The following PDCD6IP variants were observed in gnomAD, a reference collection of about 807,000 sequenced individuals.
PDCD6IP encodes programmed cell death 6-interacting protein.
A neutral mutation model predicts 103.7 loss-of-function variants in PDCD6IP; 43 were observed. The observed-to-expected ratio is 0.41, with a 90% CI of 0.32 to 0.53. The LOEUF is 0.53. PDCD6IP is among the 20% of genes least tolerant of loss of function. PDCD6IP has a pLI of 0.16. For synonymous variants in PDCD6IP, 354 were observed against 378.7 expected (o/e 0.93, Z 0.76); for missense variants, 871 against 1,036.7 (o/e 0.84, Z 2.20).
intron 8 of PDCD6IP, among the ~76,000 whole-genome samples, chr3:33,837,007 G>A (rs1303815105): frequency 1.3e-5 from 2 of 151,150 alleles, no homozygotes; most frequent in Non-Finnish European, 2.9e-5. Context: ...TGCAACCTCT[G>A]CCTCCTGGGT....
At chr3:33,857,519 A>G (rs1575944272) in intron 15 of PDCD6IP, among the ~76,000 whole-genome samples, 1 of 152,220 alleles carries the variant, frequency 6.6e-6, no homozygotes, top group Non-Finnish European at 1.5e-5. Flanking sequence ...GATTAATACA[A>G]AACAGTCTAC....
intron 5 of PDCD6IP, among the ~76,000 whole-genome samples, chr3:33,825,803 AAG>A (rs1697109701): frequency 6.6e-6 from 1 of 152,204 alleles, no homozygotes; most frequent in Non-Finnish European, 1.5e-5. Flanking sequence ...TATAAAAAAT[AAG>A]AGAATTATAT....
intron 11 of PDCD6IP, among the ~76,000 whole-genome samples, chr3:33,844,455 T>G (rs1172782437): frequency 6.6e-6 from 1 of 152,224 alleles, no homozygotes; most frequent in Non-Finnish European, 1.5e-5. Context: ...ACTTTCATTT[T>G]CTGTTCCAAA....
At chr3:33,818,513 C>CTTTTTTTTTTTTTTTTT (rs61405380) in intron 3 of PDCD6IP, among the ~76,000 whole-genome samples, 2 of 89,264 alleles carry the variant, frequency 2.2e-5, no homozygotes, top group African/African-American at 4.6e-5. Context: ...TGATCCCTTG[C>CTTTTTTTTTTTTTTTTT]TTTTTTTTTT....
At chr3:33,844,730 C>T (rs1167175218) in intron 11 of PDCD6IP, among the ~76,000 whole-genome samples, 7 of 152,186 alleles carry the variant, frequency 4.6e-5, no homozygotes, top group Non-Finnish European at 1.0e-4. Context: ...ATCCACCTGC[C>T]TCCACTTCCC....
rs566721231 is a variant in PDCD6IP, at chr3:33,836,123, A to G, written c.914A>G (p.Asn305Ser). The change falls in exon 8 of 18, where the codon AAT becomes AGT. Residue 305 changes from asparagine (N) to serine (S), a missense_variant. Physicochemically the swap from Asn to Ser is conservative, Grantham distance 46. Coordinates refer to ENST00000307296, the MANE Select transcript of PDCD6IP (RefSeq NM_013374.6). Reference protein sequence around the residue: ...VNVKDFSDKINRALAAAKKDN... With the variant: ...VNVKDFSDKISRALAAAKKDN... ...GTGAAGGATTTTTCTGACAAAATCA[A>G]TCGTGCCCTTGCTGCAGCAAAGAAG... 20 of 1,612,316 alleles carry G rather than the reference A, an allele frequency of 1.2e-5. No homozygotes were observed. The highest frequency in any genetic ancestry group is 2.2e-5 in the South Asian group (2 of 91,048).
In PDCD6IP at chr3:33,813,576, C is replaced by T; in HGVS notation, c.282C>T (p.Thr94=). The change falls in exon 3 of 18, where the codon ACC becomes ACT. Residue 94 remains threonine (T), a synonymous_variant. Coordinates refer to ENST00000307296, the MANE Select transcript of PDCD6IP (RefSeq NM_013374.6). ...FSENQICLTF[T]WKDAFDKGSL... The stretch of plus-strand genomic sequence containing the variant: ...CTATCCAGATCTGCTTGACATTTAC[C>T]TGGAAGGATGCTTTCGATAAAGGTT... 1.2e-6 allele frequency: 2 copies of T among 1,607,242 alleles called. No homozygotes were observed. The highest frequency in any genetic ancestry group is 1.3e-5 in the African/African-American group (1 of 74,812).
At chr3:33,815,547 A>G (rs1334697350) in intron 3 of PDCD6IP, among the ~76,000 whole-genome samples, 1 of 152,208 alleles carries the variant, frequency 6.6e-6, no homozygotes, top group Non-Finnish European at 1.5e-5. Flanking sequence ...CCGGGACTAG[A>G]GAGAAACAGA....
intron 1 of PDCD6IP, among the ~76,000 whole-genome samples, chr3:33,802,490 T>C (rs1245476539): frequency 1.3e-5 from 2 of 152,024 alleles, no homozygotes; most frequent in East Asian, 3.9e-4. Flanking sequence ...TTTTTCTTTT[T>C]TCTTTTTTTT....
intron 15 of PDCD6IP, among the ~76,000 whole-genome samples, chr3:33,860,269 G>T (rs1374699882): frequency 6.6e-6 from 1 of 152,182 alleles, no homozygotes; most frequent in African/African-American, 2.4e-5. Flanking sequence ...TCAGCTCAGT[G>T]ATTGAAAGGT....
At chr3:33,857,232 G>A (rs1402372609) in intron 15 of PDCD6IP, among the ~76,000 whole-genome samples, 1 of 152,088 alleles carries the variant, frequency 6.6e-6, no homozygotes, top group Non-Finnish European at 1.5e-5. Context: ...CCAGGCTGGA[G>A]TGCAGTGGTG....
In PDCD6IP at chr3:33,852,450, TTTTTTTGCAG is replaced by T; in HGVS notation, c.1642-35_1642-26del. 4 of 1,292,422 alleles carry T rather than the reference TTTTTTTGCAG, an allele frequency of 3.1e-6. No individual in the cohort carries two copies. In the South Asian group the frequency reaches 7.3e-5, roughly 24 times the overall value. 80.1% of individuals were successfully genotyped at this position (1,292,422 alleles called of 1,614,324 possible). A position where few individuals can be genotyped will look rare whatever the true frequency, so the allele number is the denominator to read the frequency against. On this transcript the variant is annotated intron_variant, in intron 12 of 17. Coordinates refer to ENST00000307296, the MANE Select transcript of PDCD6IP (RefSeq NM_013374.6). ...TCTCGAAATTGGCTTTTTTTTTTTTTTTTTTTGCAGTTAAACTAAGGTGTCTTTTTTGTTT... is the reference window on the plus strand; with the variant it reads ...TCTCGAAATTGGCTTTTTTTTTTTTTTTAAACTAAGGTGTCTTTTTTGTTT...
In PDCD6IP at chr3:33,838,290, A is replaced by G. The variant is rs765785345; in HGVS notation, c.1144A>G (p.Ile382Val). 9.3e-6 allele frequency: 15 copies of G among 1,613,380 alleles called. No homozygotes were observed. Among genetic ancestry groups the G allele is most frequent in the Middle Eastern group, 1.6e-4 (1 of 6,078 alleles). Residue 382 changes from isoleucine (I) to valine (V), a missense_variant, in exon 9 of 18, where the codon ATT becomes GTT. Physicochemically the swap from Ile to Val is conservative, Grantham distance 29. Coordinates refer to ENST00000307296, the MANE Select transcript of PDCD6IP (RefSeq NM_013374.6). ...QRKADLVNRS[I>V]AQMREATTLA... is the part of the protein sequence containing the mutation. ...GAAAGCCGATTTGGTTAACAGATCA[A>G]TTGCTCAGATGAGAGAAGCCACCAC...
chr3:33,801,080 T>C (rs1696466405), intron 1 of PDCD6IP, among the ~76,000 whole-genome samples: 2 of 152,194 alleles, frequency 1.3e-5, no homozygotes, highest in African/African-American at 4.8e-5. Flanking sequence ...TCAACAAATA[T>C]TAAGTATTTT....
chr3:33,836,128 GC>G lies in PDCD6IP; in HGVS notation c.922del (p.Ala309LeufsTer21). On this transcript the variant is annotated frameshift_variant, in exon 8 of 18. Coordinates refer to ENST00000307296, the MANE Select transcript of PDCD6IP (RefSeq NM_013374.6). LOFTEE classifies it high-confidence loss of function. ...GGATTTTTCTGACAAAATCAATCGTGCCCTTGCTGCAGCAAAGAAGGATAAT... is the reference window on the plus strand; with the variant it reads ...GGATTTTTCTGACAAAATCAATCGTGCCTTGCTGCAGCAAAGAAGGATAAT... Reference protein sequence around the residue: ...VKDFSDKINRALAAAKKDNDF... With the variant: ...VKDFSDKINRXLAAAKKDNDF... 6.2e-7 allele frequency: 1 copy of G among 1,610,432 alleles called. No individual in the cohort carries two copies. The highest frequency in any genetic ancestry group is 8.5e-7 in the Non-Finnish European group (1 of 1,176,744).
At chr3:33,830,294 C>T (rs1697218722) in intron 7 of PDCD6IP, among the ~76,000 whole-genome samples, 1 of 152,066 alleles carries the variant, frequency 6.6e-6, no homozygotes, top group South Asian at 2.1e-4. Context: ...TGATTCTGAA[C>T]AAGGAATTTG....
At position 33,826,490 on chromosome 3, in the gene PDCD6IP, A is replaced by T; in HGVS notation, c.627A>T (p.Lys209Asn). 1 of 1,603,778 alleles carries T rather than the reference A, an allele frequency of 6.2e-7. No individual in the cohort carries two copies. The highest frequency in any genetic ancestry group is 8.5e-7 in the Non-Finnish European group (1 of 1,174,202). Residue 209 changes from lysine (K) to asparagine (N), a missense_variant, in exon 6 of 18, where the codon AAA becomes AAT. Lys to Asn is a moderately conservative substitution (Grantham distance 94). Transcript: ENST00000307296. ...FFLKATRDKMKDAIIAKLANQ... is the reference protein window; with the variant it reads ...FFLKATRDKMNDAIIAKLANQ... Reference sequence around the variant, plus strand: ...CATATTGTATTCCAGATAAAATGAAAGATGCCATCATAGCTAAATTGGCTA... The same window carrying T: ...CATATTGTATTCCAGATAAAATGAATGATGCCATCATAGCTAAATTGGCTA...
intron 3 of PDCD6IP, among the ~76,000 whole-genome samples, chr3:33,816,156 G>A (rs1327162629): frequency 6.6e-6 from 1 of 152,144 alleles, no homozygotes; most frequent in Non-Finnish European, 1.5e-5. Flanking sequence ...GATACAGAGT[G>A]CCAGATGTGA....
intron 3 of PDCD6IP, among the ~76,000 whole-genome samples, chr3:33,821,668 CT>C (rs1696994653): frequency 6.6e-6 from 1 of 151,928 alleles, no homozygotes; most frequent in Admixed American, 6.6e-5. Flanking sequence ...ATGAAAATGA[CT>C]TTTACATTTG....
Sources: gnomAD v4.1 joint callset for allele counts (sites outside exome capture counted in the v4.1 genomes callset) on GRCh38, gnomAD v4.1.1 for gene constraint, MANE v1.5 for transcripts, NCBI Gene and HGNC (gene_info 2026-07-23, HGNC 2026-07-21) for gene names.